ERC2: variants seen among roughly 807,000 people sequenced by gnomAD.
The protein encoded by ERC2 is ELKS/RAB6-interacting/CAST family member 2, also known as ERC protein 2.
In ERC2, 42 loss-of-function variants were observed where a neutral mutation model predicts 114.8. That is an observed-to-expected ratio of 0.37 (90% confidence interval 0.29 to 0.47). The LOEUF is 0.47. Among genes scored for constraint, ERC2 ranks in the 20% least tolerant of loss-of-function variants. ERC2 has a pLI of 0.99. For synonymous variants in ERC2, 454 were observed against 425.5 expected, an observed-to-expected ratio of 1.07 and a Z score of -0.82; for missense variants, 939 against 1,150.7, an observed-to-expected ratio of 0.82 and a Z score of 2.66.
intron 2 of ERC2, among the ~76,000 whole-genome samples, chr3:56,429,719 TGGA>T (rs1172759214): frequency 6.6e-6 from 1 of 152,014 alleles, no homozygotes; most frequent in Admixed American, 6.6e-5. Flanking sequence ...GGGAACTGGG[TGGA>T]GGAGAAGTGG....
chr3:56,189,813 C>A (rs539843973), intron 3 of ERC2, among the ~76,000 whole-genome samples: 1 of 152,316 alleles, frequency 6.6e-6, no homozygotes, highest in South Asian at 2.1e-4. Context: ...GCAAGCCAAC[C>A]CTCCACCTGC....
intron 6 of ERC2, among the ~76,000 whole-genome samples, chr3:56,094,073 AT>A (rs1339590800): frequency 6.6e-6 from 1 of 152,052 alleles, no homozygotes; most frequent in African/African-American, 2.4e-5. Flanking sequence ...CCCCACATCT[AT>A]TTTTTCCCAC....
chr3:55,721,679 C>T (rs1289857301), intron 15 of ERC2, among the ~76,000 whole-genome samples: 1 of 152,218 alleles, frequency 6.6e-6, no homozygotes, highest in East Asian at 1.9e-4. Flanking sequence ...CCTGCCAGGG[C>T]TCCCCTGGGG....
chr3:55,704,024 G>T (rs1031078910), intron 15 of ERC2, among the ~76,000 whole-genome samples: 6 of 152,162 alleles, frequency 3.9e-5, no homozygotes, highest in Admixed American at 1.3e-4. Flanking sequence ...CTATCCCCTA[G>T]CGTTTGGGGG....
chr3:56,248,785 A>T (rs924903660), intron 3 of ERC2, among the ~76,000 whole-genome samples: 1 of 152,228 alleles, frequency 6.6e-6, no homozygotes, highest in Non-Finnish European at 1.5e-5. Context: ...GATATTCTTC[A>T]CTACAGAGGA....
chr3:56,377,691 A>AT (rs2059595682), intron 2 of ERC2, among the ~76,000 whole-genome samples: 1 of 152,198 alleles, frequency 6.6e-6, no homozygotes, highest in African/African-American at 2.4e-5. Context: ...GATTCTTTGG[A>AT]TTGTGCGGTA....
chr3:55,822,425 C>T (rs1441015015), intron 14 of ERC2, among the ~76,000 whole-genome samples: 1 of 152,068 alleles, frequency 6.6e-6, no homozygotes, highest in East Asian at 1.9e-4. Flanking sequence ...ATTAAATTAT[C>T]TTGTTTTATT....
chr3:55,875,130 A>G (rs1300568941), intron 14 of ERC2, among the ~76,000 whole-genome samples: 3 of 152,200 alleles, frequency 2.0e-5, no homozygotes, highest in African/African-American at 7.2e-5. Context: ...GGCCTACCCA[A>G]TCCCACACTG....
chr3:56,375,159 C>G (rs2059493042), intron 2 of ERC2, among the ~76,000 whole-genome samples: 1 of 152,150 alleles, frequency 6.6e-6, no homozygotes, highest in African/African-American at 2.4e-5. Context: ...ATCCTTCCCT[C>G]TAGGAAAAAG....
chr3:56,141,688 A>G (rs367954746), intron 5 of ERC2, among the ~76,000 whole-genome samples: 55 of 152,136 alleles, frequency 3.6e-4, no homozygotes, highest in African/African-American at 6.8e-4. Flanking sequence ...ATTTTTTTCT[A>G]TATCTCATGG....
intron 17 of ERC2, among the ~76,000 whole-genome samples, chr3:55,623,250 G>A (rs2059391580): frequency 6.6e-6 from 1 of 152,204 alleles, no homozygotes. Flanking sequence ...TGTAAAGACT[G>A]AAAGAATTAA....
intron 6 of ERC2, among the ~76,000 whole-genome samples, chr3:56,123,391 A>C (rs1407365285): frequency 1.3e-5 from 2 of 151,848 alleles, no homozygotes; most frequent in Non-Finnish European, 2.9e-5. Context: ...CACTCCCCAG[A>C]CATGGAGCCT....
chr3:55,883,889 AAACAACAACAACAAC>A (rs57990581), intron 14 of ERC2, among the ~76,000 whole-genome samples: 14 of 131,938 alleles, frequency 1.1e-4, no homozygotes, highest in Admixed American at 6.6e-4. Context: ...CTCCGTCTCA[AAACAACAACAACAAC>A]AACAACAACA....
chr3:55,845,766 T>C (rs1312920815), intron 14 of ERC2, among the ~76,000 whole-genome samples: 1 of 152,250 alleles, frequency 6.6e-6, no homozygotes, highest in Non-Finnish European at 1.5e-5. Flanking sequence ...GCTACTTGCC[T>C]GTAAAGGCAA....
chr3:56,004,779 T>C (rs543305405), intron 10 of ERC2, among the ~76,000 whole-genome samples: 34 of 152,164 alleles, frequency 2.2e-4, no homozygotes, highest in African/African-American at 6.5e-4. Context: ...AATAAAACTA[T>C]TATGTTTTCA....
intron 14 of ERC2, among the ~76,000 whole-genome samples, chr3:55,839,937 A>G (rs1198722954): frequency 6.6e-6 from 1 of 152,060 alleles, no homozygotes; most frequent in East Asian, 1.9e-4. Context: ...TATGCAGTCT[A>G]CAAGTTATCT....
At chr3:56,280,196 G>C (rs989709499) in intron 3 of ERC2, among the ~76,000 whole-genome samples, 4 of 152,128 alleles carry the variant, frequency 2.6e-5, no homozygotes, top group African/African-American at 9.7e-5. Flanking sequence ...AAGGAGTGCA[G>C]CTGGCCTTTA....
chr3:55,560,591 C>A (rs1019211850), intron 17 of ERC2, among the ~76,000 whole-genome samples: 1 of 152,150 alleles, frequency 6.6e-6, no homozygotes, highest in Non-Finnish European at 1.5e-5. Context: ...GATGCTCCAA[C>A]CCAGGACAGC....
intron 14 of ERC2, among the ~76,000 whole-genome samples, chr3:55,784,536 C>T (rs926636545): frequency 2.0e-5 from 3 of 152,130 alleles, no homozygotes; most frequent in Non-Finnish European, 4.4e-5. Flanking sequence ...ATAAATTATG[C>T]CTGTAGGTAA....
Sources: allele counts gnomAD v4.1 joint callset (sites outside exome capture counted in the v4.1 genomes callset), GRCh38; gene constraint gnomAD v4.1.1; transcripts MANE v1.5; gene names NCBI Gene and HGNC (gene_info 2026-07-23, HGNC 2026-07-21).